PDE1C: variants seen among roughly 807,000 people sequenced by gnomAD.
The protein encoded by PDE1C is dual specificity calcium/calmodulin-dependent 3',5'-cyclic nucleotide phosphodiesterase 1C.
A neutral mutation model predicts 93.1 loss-of-function variants in PDE1C; 62 were observed. That is an observed-to-expected ratio of 0.67 (90% CI 0.54 to 0.82). The LOEUF (loss-of-function observed/expected upper bound fraction) is 0.82. PDE1C is among the 40% of genes least tolerant of loss of function. The pLI, the probability that PDE1C is intolerant of heterozygous loss-of-function variation, is 0.00. For synonymous variants in PDE1C, 325 were observed against 310.1 expected (o/e 1.05, Z -0.50); for missense variants, 742 against 884.6 (o/e 0.84, Z 2.04).
exon 1 of PDE1C, chr7:32,298,839 G>C (rs1812796308): frequency 7.0e-7 from 1 of 1,429,842 alleles, no homozygotes; most frequent in South Asian, 1.5e-5. Context: ...ATCCTCCCCC[G>C]GCCGCGCCGC....
At position 32,374,196 on chromosome 7, in the gene PDE1C, G is replaced by A. The variant is rs1279834946; in HGVS notation, c.310+53626C>T. On this transcript the variant is annotated intron_variant, in intron 1 of 1. Coordinates refer to the PDE1C transcript ENST00000672256. ...AAAGAAAGAAAGAAAGAAAGAAAGA[G>A]AGGGAAAGAGAGGGAAAGAAAGGGA... Among the ~76,000 whole-genome samples, 450 of 129,670 alleles carry A rather than the reference G, an allele frequency of 3.5e-3. 8 individuals carry two copies. The highest frequency in any genetic ancestry group is 0.014 in the African/African-American group (414 of 28,658). 85.1% of individuals were successfully genotyped at this position (129,670 alleles called of 152,430 possible).
chr7:32,151,157 A>G (rs1178388802), intron 3 of PDE1C, among the ~76,000 whole-genome samples: 1 of 152,222 alleles, frequency 6.6e-6, no homozygotes. Context: ...CTGTAAACAC[A>G]ATAGTGTTTC....
At chr7:31,987,432 G>C (rs556488466) in intron 2 of PDE1C, among the ~76,000 whole-genome samples, 2 of 152,242 alleles carry the variant, frequency 1.3e-5, no homozygotes, top group African/African-American at 4.8e-5. Flanking sequence ...GTCACCTCAG[G>C]AGCAGTGGAG....
At chr7:32,186,520 A>AT (rs1455457819) in intron 2 of PDE1C, among the ~76,000 whole-genome samples, 2 of 152,166 alleles carry the variant, frequency 1.3e-5, no homozygotes, top group African/African-American at 4.8e-5. Flanking sequence ...GAAGTTGTCT[A>AT]TTTTTGAAAA....
At chr7:32,163,042 T>C (rs1802018304) in intron 3 of PDE1C, among the ~76,000 whole-genome samples, 1 of 152,244 alleles carries the variant, frequency 6.6e-6, no homozygotes, top group Non-Finnish European at 1.5e-5. Flanking sequence ...GAATTCATTC[T>C]TTCATTTTTC....
Position 32,330,835 on chromosome 7 carries a change from C to G in PDE1C, c.310+96987G>C, listed in dbSNP as rs933229725. ...ACTATGGGTGGGACAGAAGTTAAGG[C>G]CAGAGAGCAGGGAATCGCATCTGCT... On this transcript the variant is annotated intron_variant, in intron 1 of 1. Transcript: ENST00000672256. Among the ~76,000 whole-genome samples the G allele has an allele frequency of 3.3e-5, 5 of 152,200 alleles. No homozygotes were observed. The East Asian group carries it at 9.6e-4, about 29-fold the overall frequency.
chr7:31,994,720 G>A (rs1784520201), intron 2 of PDE1C, among the ~76,000 whole-genome samples: 1 of 152,074 alleles, frequency 6.6e-6, no homozygotes, highest in African/African-American at 2.4e-5. Context: ...TCCCCGGAAG[G>A]TGAAAAAAAT....
downstream of PDE1C, chr7:31,751,154 A>C (rs1396247465): frequency 6.6e-6 from 1 of 152,214 alleles, no homozygotes; most frequent in Admixed American, 6.5e-5. Flanking sequence ...ATTTCAGAGA[A>C]GAAAATGGCT....
intron 2 of PDE1C, among the ~76,000 whole-genome samples, chr7:31,906,486 T>G (rs1249223850): frequency 6.6e-6 from 1 of 150,962 alleles, no homozygotes; most frequent in Admixed American, 6.6e-5. Flanking sequence ...TTCCTTTGGG[T>G]TGGTCTTGAT....
chr7:31,722,697 G>A, the PDE1C span, among the ~76,000 whole-genome samples: 5 of 152,196 alleles, frequency 3.3e-5, no homozygotes, highest in African/African-American at 9.6e-5. Flanking sequence ...TTCAGGTGGT[G>A]GGAAGGGCAG....
At chr7:32,248,700 G>T (rs1486371582) in intron 1 of PDE1C, among the ~76,000 whole-genome samples, 1 of 152,208 alleles carries the variant, frequency 6.6e-6, no homozygotes, top group African/African-American at 2.4e-5. Flanking sequence ...AAGTAGACAT[G>T]CCAGGACCCT....
chr7:31,695,110 CA>C, the PDE1C span, among the ~76,000 whole-genome samples: 11 of 151,564 alleles, frequency 7.3e-5, no homozygotes, highest in South Asian at 1.9e-3. Flanking sequence ...AAGTCTTGAG[CA>C]AAAAGAATGG....
intron 1 of PDE1C, among the ~76,000 whole-genome samples, chr7:32,329,559 C>A (rs1783471913): frequency 6.6e-6 from 1 of 152,202 alleles, no homozygotes; most frequent in South Asian, 2.1e-4. Context: ...CACTTCCATT[C>A]ATTTGTCCAG....
intron 2 of PDE1C, among the ~76,000 whole-genome samples, chr7:31,938,158 C>T (rs1805343654): frequency 6.6e-6 from 1 of 151,218 alleles, no homozygotes; most frequent in Non-Finnish European, 1.5e-5. Flanking sequence ...CTAGGGCCTA[C>T]TGTAGGAATT....
At chr7:31,684,461 A>G in the PDE1C span, among the ~76,000 whole-genome samples, 1 of 152,232 alleles carries the variant, frequency 6.6e-6, no homozygotes, top group Non-Finnish European at 1.5e-5. Flanking sequence ...GAAAGACTCC[A>G]TGAAAAGATT....
At chr7:31,776,259 G>A (rs1244857968) in intron 16 of PDE1C, among the ~76,000 whole-genome samples, 1 of 152,170 alleles carries the variant, frequency 6.6e-6, no homozygotes, top group Non-Finnish European at 1.5e-5. Context: ...TGAAGCTCAG[G>A]TCTTCATCTG....
chr7:32,112,865 T>TATAC (rs1554506009), intron 3 of PDE1C, among the ~76,000 whole-genome samples: 9 of 144,856 alleles, frequency 6.2e-5, no homozygotes, highest in African/African-American at 2.4e-4. Flanking sequence ...TATATATATA[T>TATAC]ATATATATCT....
chr7:32,345,520 A>C (rs897151231), intron 1 of PDE1C, among the ~76,000 whole-genome samples: 2 of 152,230 alleles, frequency 1.3e-5, no homozygotes, highest in Non-Finnish European at 2.9e-5. Flanking sequence ...ACTAAAATTA[A>C]AAACTCTTGC....
At chr7:32,334,297 G>A (rs1299296660) in intron 1 of PDE1C, among the ~76,000 whole-genome samples, 27 of 151,876 alleles carry the variant, frequency 1.8e-4, no homozygotes, top group Admixed American at 1.8e-3. Flanking sequence ...TTTAAAAAAT[G>A]TTTTTTTCTG....
Sources: gnomAD v4.1 joint callset for allele counts (sites outside exome capture counted in the v4.1 genomes callset) on GRCh38, gnomAD v4.1.1 for gene constraint, MANE v1.5 for transcripts, NCBI Gene and HGNC (gene_info 2026-07-23, HGNC 2026-07-21) for gene names.